ZC3HC1: variants seen among roughly 807,000 people sequenced by gnomAD.
ZC3HC1 encodes zinc finger C3HC-type protein 1.
In ZC3HC1, 38 loss-of-function variants were observed where a neutral mutation model predicts 61.9. The observed-to-expected ratio is 0.61, with a 90% CI of 0.47 to 0.81. The LOEUF (loss-of-function observed/expected upper bound fraction) is 0.81. Among genes scored for constraint, ZC3HC1 ranks in the 30% least tolerant of loss-of-function variants. The pLI is 0.00. For synonymous variants in ZC3HC1, 213 were observed against 229.9 expected (o/e 0.93, Z 0.67); for missense variants, 554 against 622.7 (o/e 0.89, Z 1.17).
chr7:130,021,582 C>T (rs969531633), intron 9 of ZC3HC1, among the ~76,000 whole-genome samples: 2 of 152,130 alleles, frequency 1.3e-5, no homozygotes, highest in African/African-American at 2.4e-5. Context: ...ATGTGCCCAG[C>T]GTGCGGAATG....
At chr7:130,045,233 G>A (rs1794816601) in intron 2 of ZC3HC1, 1 of 185,828 alleles carries the variant, frequency 5.4e-6, no homozygotes. Flanking sequence ...AATAGCTCAG[G>A]GAAAAAAGGT....
At chr7:130,035,947 G>C (rs1794415211) in intron 4 of ZC3HC1, among the ~76,000 whole-genome samples, 1 of 152,142 alleles carries the variant, frequency 6.6e-6, no homozygotes, top group African/African-American at 2.4e-5. Context: ...CTAACCCTCT[G>C]GCTTGCTACT....
chr7:130,039,550 G>A lies in ZC3HC1; in HGVS notation c.410-3C>T. On this transcript the variant is annotated splice_region_variant and splice_polypyrimidine_tract_variant and intron_variant, in intron 3 of 9. Transcript: ENST00000358303. Reference sequence around the variant, plus strand: ...CAGCTCAGCACATCGTTGCTTATCTGAAATCCACATAAACAGCAACACCTT... The same window carrying A: ...CAGCTCAGCACATCGTTGCTTATCTAAAATCCACATAAACAGCAACACCTT... The A allele has an allele frequency of 1.2e-6, 2 of 1,606,584 alleles. No individual in the cohort carries two copies. Among genetic ancestry groups the A allele is most frequent in the Non-Finnish European group, 1.7e-6 (2 of 1,177,842 alleles).
chr7:130,047,921 G>C (rs1383939277), intron 2 of ZC3HC1, among the ~76,000 whole-genome samples: 1 of 152,148 alleles, frequency 6.6e-6, no homozygotes, highest in African/African-American at 2.4e-5. Context: ...AATGAGGCTG[G>C]CTTGTATCTT....
chr7:130,043,576 T>C (rs926382770), intron 2 of ZC3HC1: 2 of 184,994 alleles, frequency 1.1e-5, no homozygotes, highest in Admixed American at 5.7e-5. Context: ...AAATATTTTA[T>C]CAAAATCAAG....
intron 4 of ZC3HC1, among the ~76,000 whole-genome samples, chr7:130,031,039 C>T (rs547315054): frequency 3.2e-4 from 49 of 151,722 alleles, no homozygotes; most frequent in South Asian, 2.3e-3. Context: ...CCTTGAAAAC[C>T]GACATCCCAG....
At chr7:130,033,939 G>A (rs777878359) in intron 4 of ZC3HC1, among the ~76,000 whole-genome samples, 1 of 152,142 alleles carries the variant, frequency 6.6e-6, no homozygotes, top group Non-Finnish European at 1.5e-5. Flanking sequence ...AGAATTGTGG[G>A]CAGAAGTGCT....
intron 4 of ZC3HC1, among the ~76,000 whole-genome samples, chr7:130,032,096 T>C (rs571569263): frequency 1.4e-4 from 21 of 152,088 alleles, no homozygotes; most frequent in Non-Finnish European, 2.9e-4. Context: ...TGGTGGTGGG[T>C]GCCTGTAATC....
At chr7:130,024,573 T>C in intron 6 of ZC3HC1, 67 bp from the exon 7 acceptor site, 1 of 1,525,756 alleles carries the variant, frequency 6.6e-7, no homozygotes, top group Non-Finnish European at 8.8e-7. Flanking sequence ...GTGCAATGTC[T>C]TGTGAGTATG....
chr7:130,025,067 G>A (rs968460415), intron 6 of ZC3HC1, among the ~76,000 whole-genome samples: 92 of 149,956 alleles, frequency 6.1e-4, no homozygotes, highest in African/African-American at 1.4e-3. Flanking sequence ...CACCATGCCC[G>A]GCTAATTTTT....
At chr7:130,046,343 A>G (rs1794865656) in intron 2 of ZC3HC1, among the ~76,000 whole-genome samples, 2 of 152,014 alleles carry the variant, frequency 1.3e-5, no homozygotes, top group South Asian at 2.1e-4. Flanking sequence ...ATGGTGGCTC[A>G]TGCCTGTAAT....
intron 4 of ZC3HC1, among the ~76,000 whole-genome samples, chr7:130,034,219 C>T (rs1412999409): frequency 1.3e-5 from 2 of 148,326 alleles, no homozygotes; most frequent in African/African-American, 5.0e-5. Context: ...GGCATTTTGG[C>T]TCAAGCCTGT....
At chr7:130,031,324 C>CA (rs71956602) in intron 4 of ZC3HC1, among the ~76,000 whole-genome samples, 68,215 of 111,082 alleles carry the variant, frequency 0.61, 21,590 homozygotes, top group East Asian at 0.93. Flanking sequence ...AACTCCATCT[C>CA]AAAAAAAAAA....
chr7:130,049,370 A>C (rs1039881911), intron 1 of ZC3HC1, among the ~76,000 whole-genome samples: 3 of 152,184 alleles, frequency 2.0e-5, no homozygotes, highest in East Asian at 1.9e-4. Context: ...AACTCTTTAC[A>C]GTTTACCCAT....
At chr7:130,042,655 T>C (rs1311064410) in intron 2 of ZC3HC1, among the ~76,000 whole-genome samples, 1 of 152,184 alleles carries the variant, frequency 6.6e-6, no homozygotes, top group South Asian at 2.1e-4. Context: ...TTATTACTCC[T>C]TAATATTAAA....
chr7:130,042,678 T>C (rs1013634184), intron 2 of ZC3HC1, among the ~76,000 whole-genome samples: 3 of 152,166 alleles, frequency 2.0e-5, no homozygotes, highest in Admixed American at 6.6e-5. Flanking sequence ...CTCAGTTTTT[T>C]TGTTTGTTTT....
chr7:130,049,958 C>CAAAGT (rs201834260), intron 1 of ZC3HC1, among the ~76,000 whole-genome samples: 2,368 of 151,290 alleles, frequency 0.016, 34 homozygotes, highest in Middle Eastern at 0.024. Flanking sequence ...AAATTCGAAT[C>CAAAGT]AAAGATCTTC....
At chr7:130,032,369 G>C (rs2116709925) in intron 4 of ZC3HC1, among the ~76,000 whole-genome samples, 1 of 152,048 alleles carries the variant, frequency 6.6e-6, no homozygotes, top group Non-Finnish European at 1.5e-5. Flanking sequence ...TTTGAGGCCA[G>C]GTACAGTTGC....
chr7:130,024,448 C>T lies in ZC3HC1; in HGVS notation c.835G>A (p.Val279Met). ...LITCSQCMRK[V>M]GLWGFQQIES... ...ATCTGCTGGAAGCCCCAGAGCCCCA[C>T]CTTCCTCATACATTGCGAACATGTT... The change falls in exon 7 of 10, where the codon GTG becomes ATG. Residue 279 changes from valine to methionine, a missense_variant. Physicochemically the swap from Val to Met is conservative, Grantham distance 21 (BLOSUM62 1). Transcript: ENST00000358303. 1 of 1,614,156 alleles carries T rather than the reference C, an allele frequency of 6.2e-7. No individual in the cohort carries two copies. Among genetic ancestry groups the T allele is most frequent in the Non-Finnish European group, 8.5e-7 (1 of 1,180,026 alleles).
Sources: gnomAD v4.1 joint callset for allele counts (sites outside exome capture counted in the v4.1 genomes callset) on GRCh38, gnomAD v4.1.1 for gene constraint, MANE v1.5 for transcripts, NCBI Gene and HGNC (gene_info 2026-07-23, HGNC 2026-07-21) for gene names.